The following NSUN4 variants were observed in gnomAD, a reference collection of about 807,000 sequenced individuals.
NSUN4 encodes the protein NOP2/Sun RNA methyltransferase 4.
NSUN4 carries 31 observed loss-of-function variants against 43.8 expected under a neutral mutation model. That is an observed-to-expected ratio of 0.71 (90% CI 0.53 to 0.96). The LOEUF (loss-of-function observed/expected upper bound fraction) is 0.96. NSUN4 is among the 40% of genes least tolerant of loss of function. The pLI, the probability that NSUN4 is intolerant of heterozygous loss-of-function variation, is 0.00. For synonymous variants in NSUN4, 167 were observed against 184.1 expected (o/e 0.91, Z 0.75); for missense variants, 439 against 475.6 (o/e 0.92, Z 0.72).
At chr1:46,351,659 C>CTTTTTT (rs1190689943) in intron 3 of NSUN4, among the ~76,000 whole-genome samples, 16 of 88,858 alleles carry the variant, frequency 1.8e-4, no homozygotes, top group East Asian at 4.7e-4. Flanking sequence ...GACCCAGTCT[C>CTTTTTT]TTTTTTTTTT....
rs201345631 is a variant in NSUN4 at position 46,361,577 on chromosome 1, C to T, written c.886C>T (p.Leu296Phe). The change falls in exon 6 of 6, where the codon CTC becomes TTC. Residue 296 changes from leucine to phenylalanine, a missense_variant. Physicochemically the swap from Leu to Phe is conservative, Grantham distance 22 (BLOSUM62 0). Transcript: ENST00000474844. ...GTCTCTTTCTGGTTTCAGGGCTGGA[C>T]TCCTTGCCACCAAACCAGGAGGCCA... ...VLQVQLLAAG[L>F]LATKPGGHVV... 73 of 1,613,626 alleles carry T rather than the reference C, an allele frequency of 4.5e-5. No homozygotes were observed. The East Asian group carries it at 1.2e-3, about 26-fold the overall frequency.
chr1:46,355,439 A>G (rs1663294605), intron 4 of NSUN4, among the ~76,000 whole-genome samples: 1 of 152,146 alleles, frequency 6.6e-6, no homozygotes, highest in East Asian at 1.9e-4. Flanking sequence ...TCGGTGAGTT[A>G]CTTAACTTTC....
In NSUN4 at chr1:46,353,028, G is replaced by C. The variant is rs1459420810; in HGVS notation, c.753G>C (p.Arg251=). 1 of 1,613,958 alleles carries C rather than the reference G, an allele frequency of 6.2e-7. No homozygotes were observed. The change falls in exon 4 of 6, where the codon CGG becomes CGC. Residue 251 remains arginine (R), a splice_region_variant and synonymous_variant. Coordinates refer to ENST00000474844, the MANE Select transcript of NSUN4 (RefSeq NM_199044.4). ...WGELEGDTYD[R]VLVDVPCTTD... Reference sequence around the variant, plus strand: ...AACTGGAGGGGGACACCTATGACCGGGTGAGTGATTCTTGATTTAGGACAT... The same window carrying C: ...AACTGGAGGGGGACACCTATGACCGCGTGAGTGATTCTTGATTTAGGACAT...
intron 1 of NSUN4, chr1:46,343,469 C>T (rs1662267213): frequency 1.3e-5 from 5 of 399,590 alleles, no homozygotes. Flanking sequence ...CCAAGGATTC[C>T]AGCTGTAGCA....
chr1:46,367,739 T>G (rs1664167709), downstream of NSUN4, among the ~76,000 whole-genome samples: 2 of 149,724 alleles, frequency 1.3e-5, no homozygotes, highest in Non-Finnish European at 3.0e-5. Context: ...CTTAAGTAAC[T>G]CAAAAAGTTA....
Position 46,352,851 on chromosome 1 carries a change from T to C in NSUN4, c.593-17T>C. ...TTTCATTGGGTCATGGCCTCTGAAG[T>C]ATCTTTATTTCCATAGGCAATCTTG... On this transcript the variant is annotated splice_polypyrimidine_tract_variant and intron_variant, in intron 3 of 5. Coordinates refer to ENST00000474844, the MANE Select transcript of NSUN4 (RefSeq NM_199044.4). 6.2e-7 allele frequency: 1 copy of C among 1,612,910 alleles called. No homozygotes were observed. Among genetic ancestry groups the C allele is most frequent in the Non-Finnish European group, 8.5e-7 (1 of 1,179,006 alleles).
At chr1:46,343,067 T>C (rs1662227884) in intron 1 of NSUN4, 2 of 399,538 alleles carry the variant, frequency 5.0e-6, no homozygotes, top group African/African-American at 2.1e-5. Context: ...CCAATAGTTA[T>C]GCTCAGAGCA....
chr1:46,344,868 T>C lies in NSUN4; in HGVS notation c.161T>C (p.Val54Ala). The part of the protein sequence containing the change: ...ALQNFDMTYS[V>A]QFGDLWPSIR... The stretch of plus-strand genomic sequence containing the variant: ...CAGAATTTTGACATGACTTACAGTG[T>C]GCAGTTTGGAGATCTTTGGCCATCA... The change falls in exon 2 of 6, where the codon GTG becomes GCG. Residue 54 changes from valine to alanine, a missense_variant. Val to Ala is a moderately conservative substitution (Grantham distance 64, BLOSUM62 0). Coordinates refer to ENST00000474844, the MANE Select transcript of NSUN4 (RefSeq NM_199044.4). 1 of 1,614,246 alleles carries C rather than the reference T, an allele frequency of 6.2e-7. No homozygotes were observed. The highest frequency in any genetic ancestry group is 8.5e-7 in the Non-Finnish European group (1 of 1,180,046).
the NSUN4 span, among the ~76,000 whole-genome samples, chr1:46,384,787 G>C: frequency 6.6e-6 from 1 of 152,132 alleles, no homozygotes; most frequent in African/African-American, 2.4e-5. Context: ...ACAAAGTAGA[G>C]TCCTTCCCAG....
At chr1:46,346,508 C>T (rs1040434064) in intron 2 of NSUN4, among the ~76,000 whole-genome samples, 9 of 144,238 alleles carry the variant, frequency 6.2e-5, no homozygotes, top group Admixed American at 4.3e-4. Flanking sequence ...GCCAAGATTG[C>T]GCCACCGCAC....
At chr1:46,340,988 G>A (rs905323030) in intron 1 of NSUN4, 69 bp downstream of exon 1, 41 of 1,417,144 alleles carry the variant, frequency 2.9e-5, no homozygotes, top group African/African-American at 1.8e-4. Flanking sequence ...TCCGTTTCCC[G>A]GCCCTCTAGA....
downstream of NSUN4, among the ~76,000 whole-genome samples, chr1:46,369,975 G>T (rs956639864): frequency 6.6e-6 from 1 of 152,214 alleles, no homozygotes; most frequent in Non-Finnish European, 1.5e-5. Context: ...AATTGCTTCT[G>T]AAAGTCAGTC....
chr1:46,348,560 A>G (rs912800892), intron 3 of NSUN4, among the ~76,000 whole-genome samples: 2 of 151,880 alleles, frequency 1.3e-5, no homozygotes, highest in Non-Finnish European at 2.9e-5. Flanking sequence ...TAAAAATACA[A>G]AAAATTAGCC....
intron 5 of NSUN4, 36 bp downstream of exon 5, chr1:46,360,864 C>G: frequency 1.2e-6 from 2 of 1,610,814 alleles, no homozygotes; most frequent in Non-Finnish European, 1.7e-6. Context: ...GACTTTGTGC[C>G]AGAGTGCTCT....
chr1:46,372,784 A>G, the NSUN4 span, among the ~76,000 whole-genome samples: 1 of 152,116 alleles, frequency 6.6e-6, no homozygotes, highest in African/African-American at 2.4e-5. Context: ...GTGCAATGAC[A>G]TGATCTCAGT....
At chr1:46,352,263 C>T (rs888387850) in intron 3 of NSUN4, among the ~76,000 whole-genome samples, 6 of 151,676 alleles carry the variant, frequency 4.0e-5, no homozygotes, top group African/African-American at 1.5e-4. Flanking sequence ...ACCAGCCTGG[C>T]CAACATGGTG....
the NSUN4 span, among the ~76,000 whole-genome samples, chr1:46,372,880 G>T: frequency 6.6e-6 from 1 of 152,098 alleles, no homozygotes; most frequent in African/African-American, 2.4e-5. Context: ...GTGCCACCAC[G>T]CCCAGTTAAT....
At chr1:46,354,391 G>A (rs1038604452) in intron 4 of NSUN4, among the ~76,000 whole-genome samples, 47 of 152,084 alleles carry the variant, frequency 3.1e-4, no homozygotes, top group Admixed American at 3.1e-3. Flanking sequence ...GAGCCACTGT[G>A]CTGGGCCAGT....
chr1:46,375,483 C>T, the NSUN4 span, among the ~76,000 whole-genome samples: 1 of 150,818 alleles, frequency 6.6e-6, no homozygotes, highest in African/African-American at 2.4e-5. Context: ...TCTGTAATCC[C>T]AGCATTTGGG....
Sources: allele counts gnomAD v4.1 joint callset (sites outside exome capture counted in the v4.1 genomes callset), GRCh38; gene constraint gnomAD v4.1.1; transcripts MANE v1.5; gene names NCBI Gene and HGNC (gene_info 2026-07-23, HGNC 2026-07-21).